Variants in PLXNA4 observed in about 807,000 individuals in gnomAD.
PLXNA4 encodes the protein plexin-A4.
A neutral mutation model predicts 191.8 loss-of-function variants in PLXNA4; 44 were observed. The ratio of observed to expected loss-of-function variants is 0.23; its 90% CI spans 0.18 to 0.29. The LOEUF (loss-of-function observed/expected upper bound fraction) is 0.29. Among genes scored for constraint, PLXNA4 ranks in the 10% least tolerant of loss-of-function variants. The pLI is 1.00. For synonymous variants in PLXNA4, 1,082 were observed against 1,009.5 expected, an observed-to-expected ratio of 1.07 and a Z score of -1.36; for missense variants, 1,800 against 2,488.8, an observed-to-expected ratio of 0.72 and a Z score of 5.89.
intron 3 of PLXNA4, among the ~76,000 whole-genome samples, chr7:132,392,576 C>T (rs1406983879): frequency 6.6e-6 from 1 of 152,216 alleles, no homozygotes; most frequent in Non-Finnish European, 1.5e-5. Context: ...AGCCGAGTGC[C>T]CCAGAGGCTC....
At chr7:132,626,121 C>T (rs895063483) in intron 2 of PLXNA4, among the ~76,000 whole-genome samples, 1 of 152,232 alleles carries the variant, frequency 6.6e-6, no homozygotes, top group African/African-American at 2.4e-5. Context: ...AATTCACTCT[C>T]CTTCCCTTCA....
chr7:132,576,212 C>T lies in PLXNA4; in HGVS notation c.-87+210G>A, dbSNP rs190058424. Among the ~76,000 whole-genome samples, 527 of 152,362 alleles carry T rather than the reference C, an allele frequency of 3.5e-3. 4 individuals are homozygous for T. Among genetic ancestry groups the T allele is most frequent in the African/African-American group, 0.012 (504 of 41,582 alleles). On this transcript the variant is annotated intron_variant, in intron 1 of 31. Coordinates refer to ENST00000321063, the MANE Select transcript of PLXNA4 (RefSeq NM_020911.2). The surrounding 1 kb of genome is among the most constrained non-coding windows in gnomAD (Gnocchi z 5.8). ...CGGGAAATCCCTGCTCCGGCCGCTG[C>T]ACCTCCGCGGGCGTCCAGGTGGGAC...
At chr7:132,487,760 A>C (rs1489111488) in intron 3 of PLXNA4, among the ~76,000 whole-genome samples, 4 of 152,142 alleles carry the variant, frequency 2.6e-5, no homozygotes. Flanking sequence ...CAGACACAGG[A>C]GCTGTGTGGG....
intron 1 of PLXNA4, among the ~76,000 whole-genome samples, chr7:132,525,842 C>G (rs1339470580): frequency 6.6e-6 from 1 of 152,200 alleles, no homozygotes; most frequent in Non-Finnish European, 1.5e-5. Context: ...TCCTGGGGAG[C>G]CATGATGCAT....
At chr7:132,493,688 T>G (rs1797891005) in intron 2 of PLXNA4, among the ~76,000 whole-genome samples, 1 of 151,504 alleles carries the variant, frequency 6.6e-6, no homozygotes, top group Admixed American at 6.6e-5. Flanking sequence ...GATGGATAGA[T>G]GGATGGATGG....
chr7:132,621,974 T>C (rs1278888644), intron 2 of PLXNA4, among the ~76,000 whole-genome samples: 1 of 152,180 alleles, frequency 6.6e-6, no homozygotes, highest in East Asian at 1.9e-4. Flanking sequence ...CCTAAGTAGA[T>C]AGTAGTAGCA....
At chr7:132,588,513 A>G (rs186155203) in intron 2 of PLXNA4, among the ~76,000 whole-genome samples, 82 of 151,778 alleles carry the variant, frequency 5.4e-4, no homozygotes, top group Middle Eastern at 3.4e-3. Flanking sequence ...AAGCACCCAT[A>G]TTTTCCTCCC....
chr7:132,265,438 C>G (rs138794256), intron 4 of PLXNA4, among the ~76,000 whole-genome samples: 5 of 152,186 alleles, frequency 3.3e-5, no homozygotes, highest in African/African-American at 1.2e-4. Flanking sequence ...ATTATTCATT[C>G]ATTCAATTGA....
At chr7:132,168,194 C>G (rs1796176917) in intron 22 of PLXNA4, 110 bp downstream of exon 22, 4 of 1,375,998 alleles carry the variant, frequency 2.9e-6, no homozygotes, top group Middle Eastern at 2.0e-4. Context: ...GTGACTTGAA[C>G]TTGGGAACAT....
intron 14 of PLXNA4, among the ~76,000 whole-genome samples, chr7:132,191,772 ATCTCTC>A (rs145828587): frequency 3.5e-5 from 5 of 142,742 alleles, no homozygotes; most frequent in Middle Eastern, 3.5e-3. Context: ...TCCTCTCTCC[ATCTCTC>A]TCTCTCTCTC....
At chr7:132,334,653 T>C (rs1438218121) in intron 3 of PLXNA4, among the ~76,000 whole-genome samples, 10 of 152,170 alleles carry the variant, frequency 6.6e-5, no homozygotes, top group Admixed American at 6.5e-5. Flanking sequence ...GCAAATGATA[T>C]CTGGGCCAGA....
At chr7:132,311,201 T>TGTGTGC (rs1327681030) in intron 3 of PLXNA4, among the ~76,000 whole-genome samples, 7 of 133,516 alleles carry the variant, frequency 5.2e-5, no homozygotes, top group African/African-American at 1.9e-4. Flanking sequence ...TGTGCGCGTG[T>TGTGTGC]GGCCTAAAGG....
At chr7:132,312,194 C>A (rs111494385) in intron 3 of PLXNA4, among the ~76,000 whole-genome samples, 1 of 144,662 alleles carries the variant, frequency 6.9e-6, no homozygotes. Flanking sequence ...ATGGGTTACT[C>A]CTTCTGCCAG....
intron 2 of PLXNA4, among the ~76,000 whole-genome samples, chr7:132,634,743 T>C (rs750680802): frequency 2.6e-5 from 4 of 152,182 alleles, no homozygotes; most frequent in Admixed American, 6.5e-5. Context: ...TCTCACGTAG[T>C]CTGGGACACG....
intron 3 of PLXNA4, among the ~76,000 whole-genome samples, chr7:132,365,717 C>T (rs1228913420): frequency 4.6e-5 from 7 of 152,174 alleles, no homozygotes; most frequent in Non-Finnish European, 8.8e-5. Context: ...TAAATCTTTC[C>T]TCTGCCAAGT....
At chr7:132,619,904 C>T (rs917759211) in intron 2 of PLXNA4, among the ~76,000 whole-genome samples, 48 of 152,190 alleles carry the variant, frequency 3.2e-4, no homozygotes, top group Non-Finnish European at 5.1e-4. Flanking sequence ...GGGTTCATGC[C>T]ATTCTCCTGC....
intron 4 of PLXNA4, among the ~76,000 whole-genome samples, chr7:132,256,100 G>A (rs779247095): frequency 6.6e-6 from 1 of 152,208 alleles, no homozygotes; most frequent in Non-Finnish European, 1.5e-5. Flanking sequence ...ACATGAGTTG[G>A]CACGGCACGT....
At chr7:132,350,468 C>G (rs894238554) in intron 3 of PLXNA4, among the ~76,000 whole-genome samples, 5 of 152,112 alleles carry the variant, frequency 3.3e-5, no homozygotes, top group African/African-American at 7.2e-5. Context: ...TGTGCCACTG[C>G]ACTCCAGCCT....
At chr7:132,570,366 C>T (rs912758719) in intron 1 of PLXNA4, among the ~76,000 whole-genome samples, 3 of 152,184 alleles carry the variant, frequency 2.0e-5, no homozygotes, top group African/African-American at 7.2e-5. Context: ...TCTCCTCTCT[C>T]ACTCTCTAAC....
Sources: gnomAD v4.1 joint callset for allele counts (sites outside exome capture counted in the v4.1 genomes callset) on GRCh38, gnomAD v4.1.1 for gene constraint, Gnocchi (gnomAD v3.1) non-coding constraint, MANE v1.5 for transcripts, NCBI Gene and HGNC (gene_info 2026-07-23, HGNC 2026-07-21) for gene names.